RNF111: variants seen among roughly 807,000 people sequenced by gnomAD.
RNF111 encodes ring finger protein 111.
Under a neutral mutation model 95.1 loss-of-function variants are expected in RNF111, and 17 were observed. The observed-to-expected ratio is 0.18, with a 90% CI of 0.12 to 0.27. The LOEUF (loss-of-function observed/expected upper bound fraction) is 0.27, where lower values mean the gene tolerates loss of function less well. Ranked by LOEUF, RNF111 falls within the 10% of genes least tolerant of loss-of-function variation. The pLI, the probability that RNF111 is intolerant of heterozygous loss-of-function variation, is 1.00. For missense variants in RNF111, 1,189 were observed against 1,210.4 expected (o/e 0.98, Z 0.26); for synonymous variants, 440 against 414.8 (o/e 1.06, Z -0.74).
chr15:59,028,999 C>A (rs1452696482), intron 1 of RNF111, among the ~76,000 whole-genome samples: 1 of 152,016 alleles, frequency 6.6e-6, no homozygotes, highest in Non-Finnish European at 1.5e-5. Context: ...AGGCTGATCT[C>A]GAACTCCTGG....
At chr15:59,038,324 A>G (rs2041284068) in intron 2 of RNF111, among the ~76,000 whole-genome samples, 2 of 152,190 alleles carry the variant, frequency 1.3e-5, no homozygotes, top group African/African-American at 2.4e-5. Context: ...AGCTGTATAT[A>G]TATATATTTT....
chr15:59,056,694 A>T (rs949988137), intron 4 of RNF111, among the ~76,000 whole-genome samples: 10 of 152,274 alleles, frequency 6.6e-5, no homozygotes, highest in African/African-American at 2.4e-4. Context: ...CCAGTTGTTT[A>T]TGAAGAGATA....
Position 59,031,674 on chromosome 15 carries a change from C to T in RNF111, c.852C>T (p.Asn284=), listed in dbSNP as rs754559032. ...ATTTGTTTGTTTCTGCCAGTGAAAA[C>T]CACCAAAACAATCCAGCTGTTCCCT... The part of the protein sequence containing the change: ...EEDLFVSASE[N]HQNNPAVPSG... The change falls in exon 2 of 14, where the codon AAC becomes AAT. Residue 284 remains asparagine (N), a synonymous_variant. Transcript: ENST00000348370. 1 of 1,614,050 alleles carries T rather than the reference C, an allele frequency of 6.2e-7. No individual in the cohort carries two copies.
At chr15:59,067,182 C>A in intron 6 of RNF111, 99 bp downstream of exon 6, 1 of 1,018,718 alleles carries the variant, frequency 9.8e-7, no homozygotes, top group Non-Finnish European at 1.4e-6. Context: ...TCATTCCTGT[C>A]TCTCTCCCTC....
At chr15:59,000,358 T>G (rs1393218838) in intron 1 of RNF111, among the ~76,000 whole-genome samples, 1 of 151,872 alleles carries the variant, frequency 6.6e-6, no homozygotes. Flanking sequence ...GAGACGGGTT[T>G]CACCATGTTG....
intron 3 of RNF111, among the ~76,000 whole-genome samples, chr15:59,054,159 G>C (rs1377295197): frequency 6.6e-6 from 1 of 151,986 alleles, no homozygotes; most frequent in African/African-American, 2.4e-5. Context: ...GGCTGGTCTC[G>C]AACTCCTGAC....
Position 59,004,227 on chromosome 15 carries a change from C to G in RNF111, c.-20+16159C>G, listed in dbSNP as rs562868610. On this transcript the variant is annotated intron_variant, in intron 1 of 13. Transcript: ENST00000348370. ...CTTTAACAAGCTTCAATTTAAAATA[C>G]TCCTTCTTTTCTCTCCCAATTATCT... 10 of 625,708 alleles carry G rather than the reference C, an allele frequency of 1.6e-5. No homozygotes were observed. The African/African-American group carries it at 2.0e-4, about 12-fold the overall frequency. 38.8% of individuals were successfully genotyped at this position (625,708 alleles called of 1,614,324 possible).
At chr15:59,013,610 C>T (rs76444199) in intron 1 of RNF111, among the ~76,000 whole-genome samples, 1 of 152,240 alleles carries the variant, frequency 6.6e-6, no homozygotes, top group African/African-American at 2.4e-5. Flanking sequence ...GATCAGCTGG[C>T]TGAGTAGTGT....
At position 59,076,020 on chromosome 15, in the gene RNF111, G is replaced by A; in HGVS notation, c.1753G>A (p.Ala585Thr). 1.2e-6 allele frequency: 2 copies of A among 1,614,206 alleles called. No homozygotes were observed. The highest frequency in any genetic ancestry group is 1.7e-6 in the Non-Finnish European group (2 of 1,180,044). ...RSHGSGSFHG[A>T]SAFDPCCPVS... ...TCATGGAAGTGGCAGTTTTCATGGA[G>A]CATCTGCATTTGACCCCTGCTGCCC... The change falls in exon 7 of 14, where the codon GCA (alanine) becomes ACA (threonine). Residue 585 changes from alanine to threonine, a missense_variant. Coordinates refer to ENST00000348370, the MANE Select transcript of RNF111 (RefSeq NM_017610.8).
At position 59,031,117 on chromosome 15, in the gene RNF111, C is replaced by G; in HGVS notation, c.295C>G (p.Gln99Glu). ...LVVRKKRKSQ[Q>E]AGPSYVQNCV... ...TGTGAGGAAAAAACGCAAAAGCCAG[C>G]AGGCTGGCCCTTCGTATGTGCAGAA... is the stretch of plus-strand genomic sequence containing the variant. The change falls in exon 2 of 14, where the codon CAG (glutamine) becomes GAG (glutamate). Residue 99 changes from glutamine (Q) to glutamate (E), a missense_variant. By Grantham distance (29) the Gln-to-Glu change is conservative. Around this residue, in one of 2 missense-constraint regions of RNF111, gnomAD observed 1,024 missense variants for 925.9 expected, o/e 1.11. Transcript: ENST00000348370. 6.2e-7 allele frequency: 1 copy of G among 1,614,194 alleles called. No homozygotes were observed.
chr15:59,068,878 C>T (rs1880120878), intron 6 of RNF111, among the ~76,000 whole-genome samples: 1 of 151,920 alleles, frequency 6.6e-6, no homozygotes, highest in African/African-American at 2.4e-5. Context: ...AGTTCGAGAC[C>T]AGCCTGACCA....
chr15:59,066,742 G>A, intron 5 of RNF111, 22 bp from the exon 6 acceptor site: 4 of 1,586,276 alleles, frequency 2.5e-6, no homozygotes, highest in Middle Eastern at 1.7e-4. Context: ...TGATTATTCT[G>A]TGCATTTTTT....
Position 59,089,773 on chromosome 15 carries a change from T to A in RNF111, c.2643+14T>A, listed in dbSNP as rs1230789138. The A allele has an allele frequency of 4.6e-6, 7 of 1,532,758 alleles. No individual in the cohort carries two copies. The African/African-American group carries it at 8.2e-5, about 18-fold the overall frequency. The allele number at this position is 1,532,758 out of a possible 1,614,324, so 94.9% of individuals were successfully genotyped here. A position where few individuals can be genotyped will look rare whatever the true frequency, so the allele number is the denominator to read the frequency against. On this transcript the variant is annotated intron_variant, in intron 11 of 13. Coordinates refer to ENST00000348370, the MANE Select transcript of RNF111 (RefSeq NM_017610.8). ...GGCAATTTTGAGGTATGTAATAAAA[T>A]AAATGAATATGTTTGTCACAGTATC...
intron 1 of RNF111, among the ~76,000 whole-genome samples, chr15:59,028,578 A>G (rs901303248): frequency 6.6e-6 from 1 of 152,092 alleles, no homozygotes; most frequent in East Asian, 1.9e-4. Flanking sequence ...GGACTACCGT[A>G]CTTCATTTCT....
intron 6 of RNF111, among the ~76,000 whole-genome samples, chr15:59,068,283 A>G (rs2042754339): frequency 6.6e-6 from 1 of 152,168 alleles, no homozygotes. Context: ...TAATTTTGAC[A>G]TATACTATTC....
At chr15:58,991,388 T>G (rs1206684013) in intron 1 of RNF111, among the ~76,000 whole-genome samples, 2 of 152,204 alleles carry the variant, frequency 1.3e-5, no homozygotes, top group Non-Finnish European at 2.9e-5. Flanking sequence ...TTATTGAATG[T>G]CTCATGTTCT....
intron 3 of RNF111, among the ~76,000 whole-genome samples, chr15:59,054,052 C>T (rs1327448747): frequency 6.6e-6 from 1 of 152,198 alleles, no homozygotes; most frequent in Admixed American, 6.5e-5. Context: ...CCTCCTCCCT[C>T]AGCCTTGTGA....
At chr15:59,093,135 C>T (rs2079099124) in intron 13 of RNF111, among the ~76,000 whole-genome samples, 1 of 152,142 alleles carries the variant, frequency 6.6e-6, no homozygotes, top group Non-Finnish European at 1.5e-5. Context: ...ATCTATGTTA[C>T]CAACATGGGA....
rs755729003 is a variant in RNF111, at chr15:59,076,078, A to C, written c.1811A>C (p.His604Pro). 3.1e-6 allele frequency: 5 copies of C among 1,614,200 alleles called. No individual in the cohort carries two copies. The highest frequency in any genetic ancestry group is 4.2e-6 in the Non-Finnish European group (5 of 1,180,044). ...TCCTCCCGAGCTGCAATCTTTGGCC[A>C]TCAGGCCGCTGCTGCTGCCCCAAGT... ...VSSSRAAIFG[H>P]QAAAAAPSQP... The change falls in exon 7 of 14, where the codon CAT becomes CCT. Residue 604 changes from histidine (H) to proline (P), a missense_variant. Physicochemically the swap from His to Pro is moderately conservative, Grantham distance 77 (BLOSUM62 -2). This residue lies in a region of RNF111 where 1,024 missense variants were observed against 925.9 expected (regional missense o/e 1.11). Coordinates refer to ENST00000348370, the MANE Select transcript of RNF111 (RefSeq NM_017610.8).
Sources: gnomAD v4.1 joint callset for allele counts (sites outside exome capture counted in the v4.1 genomes callset) on GRCh38, gnomAD v4.1.1 for gene constraint, gnomAD v4.1.1 regional missense constraint, MANE v1.5 for transcripts, NCBI Gene and HGNC (gene_info 2026-07-23, HGNC 2026-07-21) for gene names.